The following PKHD1L1 variants were observed in gnomAD, a reference collection of about 807,000 sequenced individuals.
PKHD1L1 encodes the protein PKHD1 like 1, also known as fibrocystin-L.
Under a neutral mutation model 462.9 loss-of-function variants are expected in PKHD1L1, and 434 were observed. The observed-to-expected ratio is 0.94, with a 90% CI of 0.87 to 1.02. The LOEUF (loss-of-function observed/expected upper bound fraction) is 1.02, where lower values mean the gene tolerates loss of function less well. PKHD1L1 is among the 50% of genes least tolerant of loss of function. The pLI, the probability that PKHD1L1 is intolerant of heterozygous loss-of-function variation, is 0.00. For synonymous variants in PKHD1L1, 1,781 were observed against 1,750.0 expected (o/e 1.02, Z -0.44); for missense variants, 5,202 against 5,096.1 (o/e 1.02, Z -0.63).
intron 9 of PKHD1L1, among the ~76,000 whole-genome samples, chr8:109,392,711 C>A (rs1202489756): frequency 2.6e-5 from 4 of 152,014 alleles, no homozygotes; most frequent in Non-Finnish European, 5.9e-5. Context: ...ATCTTACATT[C>A]AAAAAATACA....
chr8:109,512,267 G>A (rs1011686528), intron 71 of PKHD1L1, among the ~76,000 whole-genome samples: 13 of 151,966 alleles, frequency 8.6e-5, no homozygotes, highest in African/African-American at 2.9e-4. Flanking sequence ...TGAAGTCCTT[G>A]CCCATGTCTA....
chr8:109,440,665 A>G (rs1815726981), intron 32 of PKHD1L1, 45 bp from the exon 33 acceptor site: 3 of 1,560,382 alleles, frequency 1.9e-6, no homozygotes, highest in Admixed American at 1.7e-5. Flanking sequence ...AGCAAGATAA[A>G]TCAGTAGGAA....
chr8:109,495,984 G>T (rs1819064278), intron 63 of PKHD1L1, among the ~76,000 whole-genome samples: 1 of 152,144 alleles, frequency 6.6e-6, no homozygotes, highest in African/African-American at 2.4e-5. Flanking sequence ...TATTTGCTAG[G>T]CACTGTATGT....
At position 109,523,035 on chromosome 8, in the gene PKHD1L1, A is replaced by G. The variant is rs1344041815; in HGVS notation, c.12330+145A>G. On this transcript the variant is annotated intron_variant, in intron 75 of 77. Transcript: ENST00000378402. ...AGTTGGACTAATATCCAAGGATACC[A>G]TCTTGTAATGTCTCAAAAATGTTTA... The G allele has an allele frequency of 4.7e-6, 5 of 1,058,514 alleles. No homozygotes were observed. In the South Asian group the frequency reaches 5.2e-5, roughly 11 times the overall value. 65.6% of individuals were successfully genotyped at this position (1,058,514 alleles called of 1,614,324 possible).
intron 59 of PKHD1L1, among the ~76,000 whole-genome samples, chr8:109,487,115 A>G (rs1783140): frequency 0.39 from 59,375 of 151,734 alleles, 11,824 homozygotes; most frequent in South Asian, 0.57. Context: ...CAGATCATTT[A>G]TTGTTTTTGT....
rs1397905441 is a variant in PKHD1L1 at position 109,523,534 on chromosome 8, TTAGTC to T, written c.12484+152_12484+156del. The T allele has an allele frequency of 2.5e-4, 169 of 670,914 alleles. 1 individual carries two copies. Among genetic ancestry groups the T allele is most frequent in the Non-Finnish European group, 6.6e-5 (29 of 439,720 alleles). 41.6% of individuals were successfully genotyped at this position (670,914 alleles called of 1,614,324 possible). A position where few individuals can be genotyped will look rare whatever the true frequency, so the allele number is the denominator to read the frequency against. ...TATTTTGCCTTGTTTCAGAAAATAT[TTAGTC>T]TAGCTTAAGAATAGATTTCATATGT... On this transcript the variant is annotated intron_variant, in intron 76 of 77. Coordinates refer to ENST00000378402, the MANE Select transcript of PKHD1L1 (RefSeq NM_177531.6).
At chr8:109,439,399 T>C (rs948428773) in intron 32 of PKHD1L1, among the ~76,000 whole-genome samples, 2 of 152,148 alleles carry the variant, frequency 1.3e-5, no homozygotes, top group African/African-American at 4.8e-5. Context: ...TGTTGCTGGC[T>C]GGATTTACAG....
intron 38 of PKHD1L1, among the ~76,000 whole-genome samples, chr8:109,447,565 G>A (rs1164906548): frequency 1.3e-5 from 2 of 152,136 alleles, no homozygotes; most frequent in East Asian, 3.8e-4. Flanking sequence ...TGTTCTATGT[G>A]CACTCATTCA....
At chr8:109,478,017 T>G (rs1484393821) in intron 53 of PKHD1L1, among the ~76,000 whole-genome samples, 1 of 152,174 alleles carries the variant, frequency 6.6e-6, no homozygotes, top group African/African-American at 2.4e-5. Flanking sequence ...GTCTTTAAGA[T>G]GCTGAAAGGC....
Position 109,464,474 on chromosome 8 carries a change from C to T in PKHD1L1, c.7642C>T (p.Gln2548Ter). 1.2e-6 allele frequency: 2 copies of T among 1,613,654 alleles called. No homozygotes were observed. Among genetic ancestry groups the T allele is most frequent in the East Asian group, 2.2e-5 (1 of 44,864 alleles). Residue 2548 changes from glutamine to a stop codon, truncating the protein, a stop_gained, in exon 49 of 78, where the codon CAA (glutamine) becomes TAA (stop). Coordinates refer to ENST00000378402, the MANE Select transcript of PKHD1L1 (RefSeq NM_177531.6). LOFTEE classifies it high-confidence loss of function. ...GTATAACTTGGCAGTATTTGTACAG[C>T]AAAGTACCAGTCTTCTGAATGATGA... ...LQYNLAVFVQ[Q>*]STSLLNDDVT...
At chr8:109,369,603 A>G (rs1811394374) in intron 2 of PKHD1L1, among the ~76,000 whole-genome samples, 1 of 150,904 alleles carries the variant, frequency 6.6e-6, no homozygotes, top group Non-Finnish European at 1.5e-5. Context: ...TATCATTGAC[A>G]TGACATGTAC....
At chr8:109,382,707 C>A in intron 4 of PKHD1L1, 136 bp downstream of exon 4, 1 of 532,634 alleles carries the variant, frequency 1.9e-6, no homozygotes, top group Non-Finnish European at 3.1e-6. Context: ...AGGATAATTT[C>A]CCTCAATTTA....
intron 21 of PKHD1L1, among the ~76,000 whole-genome samples, chr8:109,417,332 T>C (rs1299484819): frequency 6.6e-6 from 1 of 152,010 alleles, no homozygotes; most frequent in Non-Finnish European, 1.5e-5. Flanking sequence ...ACACCTAATA[T>C]GTATCCACAA....
chr8:109,530,099 T>C lies in PKHD1L1; in HGVS notation c.*9T>C. ...TTTCAGGAAGCTACTAAAGTGCTGT[T>C]CCGAAGAATAGGCTGAAACAAAAAT... On this transcript the variant is annotated 3_prime_UTR_variant, in exon 78 of 78. Coordinates refer to ENST00000378402, the MANE Select transcript of PKHD1L1 (RefSeq NM_177531.6). 1 of 1,357,662 alleles carries C rather than the reference T, an allele frequency of 7.4e-7. No homozygotes were observed. The allele number at this position is 1,357,662 out of a possible 1,614,324, so 84.1% of individuals were successfully genotyped here.
Position 109,443,899 on chromosome 8 carries a change from T to A in PKHD1L1, c.4788T>A (p.Asn1596Lys). ...GHGFSNLPWA[N>K]KVTIGSYPCV... ...GCTTTAGTAATCTCCCATGGGCTAA[T>A]AAGGTAAGAATATAAATACCTCCTT... is the stretch of plus-strand genomic sequence containing the variant. Residue 1596 changes from asparagine to lysine, a missense_variant, in exon 37 of 78, where the codon AAT (asparagine) becomes AAA (lysine). Coordinates refer to ENST00000378402, the MANE Select transcript of PKHD1L1 (RefSeq NM_177531.6). The A allele has an allele frequency of 6.2e-7, 1 of 1,601,634 alleles. No homozygotes were observed. Among genetic ancestry groups the A allele is most frequent in the Non-Finnish European group, 8.6e-7 (1 of 1,169,560 alleles).
chr8:109,395,343 G>A (rs1460342311), intron 10 of PKHD1L1, among the ~76,000 whole-genome samples: 6 of 152,038 alleles, frequency 3.9e-5, no homozygotes, highest in East Asian at 1.9e-4. Flanking sequence ...AAAATTGTAC[G>A]TCATTCCCGG....
Position 109,486,701 on chromosome 8 carries a change from G to A in PKHD1L1, c.9760G>A (p.Val3254Ile). ...TGAGAGCTACACGTTAGCAGCTGAT[G>A]TTGGGATACTGAGTAGGAACATCAA... The part of the protein sequence containing the change: ...TGESYTLAAD[V>I]GILSRNIKIV... Residue 3254 changes from valine to isoleucine, a missense_variant, in exon 59 of 78, where the codon GTT becomes ATT. Physicochemically the swap from Val to Ile is conservative, Grantham distance 29. Transcript: ENST00000378402. 1 of 1,612,454 alleles carries A rather than the reference G, an allele frequency of 6.2e-7. No individual in the cohort carries two copies. Among genetic ancestry groups the A allele is most frequent in the Non-Finnish European group, 8.5e-7 (1 of 1,178,884 alleles).
At chr8:109,406,604 T>C (rs769387688) in intron 17 of PKHD1L1, 126 bp downstream of exon 17, 97 of 1,111,126 alleles carry the variant, frequency 8.7e-5, no homozygotes, top group Non-Finnish European at 1.1e-4. Flanking sequence ...AATTAAATGG[T>C]TTTTTCTACG....
At chr8:109,516,300 G>A (rs1820267348) in intron 72 of PKHD1L1, among the ~76,000 whole-genome samples, 1 of 152,078 alleles carries the variant, frequency 6.6e-6, no homozygotes, top group Non-Finnish European at 1.5e-5. Flanking sequence ...ATCTCTGAAA[G>A]TCTGAGATCA....
Sources: gnomAD v4.1 joint callset for allele counts (sites outside exome capture counted in the v4.1 genomes callset) on GRCh38, gnomAD v4.1.1 for gene constraint, MANE v1.5 for transcripts, NCBI Gene and HGNC (gene_info 2026-07-23, HGNC 2026-07-21) for gene names.